HSBP1: variants seen among roughly 807,000 people sequenced by gnomAD.
HSBP1 encodes the protein heat shock factor-binding protein 1.
In HSBP1, 5 loss-of-function variants were observed where a neutral mutation model predicts 9.6. That is an observed-to-expected ratio of 0.52 (90% CI 0.27 to 1.09). HSBP1 has a LOEUF of 1.09. HSBP1 is among the 50% of genes least tolerant of loss of function. The pLI, the probability that HSBP1 is intolerant of heterozygous loss-of-function variation, is 0.11. For missense variants in HSBP1, 121 were observed against 96.3 expected (o/e 1.26, Z -1.07); for synonymous variants, 42 against 33.3 (o/e 1.26, Z -0.90).
At chr16:83,809,462 C>CTT (rs34576085) in intron 3 of HSBP1, 37 bp downstream of exon 3, 2,047 of 405,752 alleles carry the variant, frequency 5.0e-3, no homozygotes, top group East Asian at 9.4e-3. Context: ...CTTTTCTTTT[C>CTT]TTTTTTTTTT....
rs1904528874 is a variant in HSBP1 at position 83,808,893 on chromosome 16, G to T, written c.112+147G>T. 13 of 660,918 alleles carry T rather than the reference G, an allele frequency of 2.0e-5. No individual in the cohort carries two copies. The South Asian group carries it at 2.5e-4, about 13-fold the overall frequency. 40.9% of individuals were successfully genotyped at this position (660,918 alleles called of 1,614,324 possible). On this transcript the variant is annotated intron_variant, in intron 2 of 3. Transcript: ENST00000433866. ...TGGATTGTACTGTGTTTCTGAGAAG[G>T]ACTGCGCCGAGAGCTAGGGGCAAAG...
At position 83,819,558 on chromosome 16, in the gene HSBP1, T is replaced by C. The variant is rs749777939; in HGVS notation, c.*8140T>C. ...TCACTTTAAAGCAATTTGCTTCTTA[T>C]TAAAATGTACTTCAGTAAAAAATCA... is the stretch of plus-strand genomic sequence containing the variant. On this transcript the variant is annotated 3_prime_UTR_variant, in exon 4 of 4. Coordinates refer to ENST00000433866, the MANE Select transcript of HSBP1 (RefSeq NM_001537.4). 5 of 152,210 alleles carry C rather than the reference T, an allele frequency of 3.3e-5. No individual in the cohort carries two copies. The highest frequency in any genetic ancestry group is 5.9e-5 in the Non-Finnish European group (4 of 68,034). The allele number at this position is 152,210 out of a possible 1,614,324, so 9.4% of individuals were successfully genotyped here.
rs1039430331 is a variant in HSBP1, at chr16:83,819,281, T to C, written c.*7863T>C. 2 of 152,212 alleles carry C rather than the reference T, an allele frequency of 1.3e-5. No individual in the cohort carries two copies. Among genetic ancestry groups the C allele is most frequent in the Non-Finnish European group, 2.9e-5 (2 of 68,032 alleles). 9.4% of individuals were successfully genotyped at this position (152,212 alleles called of 1,614,324 possible). On this transcript the variant is annotated 3_prime_UTR_variant, in exon 4 of 4. Transcript: ENST00000433866. ...CATATTTTTAATAAATTCCCTCATT[T>C]ATTATTTTTGTGTCTTATTTCCCAT...
At chr16:83,810,447 C>G (rs1904573743) in intron 3 of HSBP1, among the ~76,000 whole-genome samples, 1 of 142,342 alleles carries the variant, frequency 7.0e-6, no homozygotes, top group Admixed American at 7.6e-5. Flanking sequence ...ATGAATGTTG[C>G]TGAGGGAGGC....
intron 2 of HSBP1, 135 bp from the exon 3 acceptor site, chr16:83,809,170 C>T: frequency 1.6e-6 from 1 of 628,560 alleles, no homozygotes; most frequent in Non-Finnish European, 2.8e-6. Flanking sequence ...TCTTACCCAC[C>T]AGCGTGTAAC....
intron 3 of HSBP1, 32 bp downstream of exon 3, chr16:83,809,457 CTTTTCTTTT>C: frequency 3.1e-6 from 2 of 645,770 alleles, no homozygotes; most frequent in South Asian, 2.4e-5. Flanking sequence ...TTTTTCTTTT[CTTTTCTTTT>C]TTTTTTTTTT....
At chr16:83,808,497 C>T in intron 1 of HSBP1, 183 bp from the exon 2 acceptor site, 1 of 593,488 alleles carries the variant, frequency 1.7e-6, no homozygotes, top group Non-Finnish European at 3.0e-6. Flanking sequence ...CTCCCCAGCC[C>T]AGCAGTCTAA....
Position 83,811,429 on chromosome 16 carries a change from T to G in HSBP1, c.*11T>G, listed in dbSNP as rs902347114. 1 of 152,248 alleles carries G rather than the reference T, an allele frequency of 6.6e-6. No individual in the cohort carries two copies. The highest frequency in any genetic ancestry group is 6.5e-5 in the Admixed American group (1 of 15,288). 9.4% of individuals were successfully genotyped at this position (152,248 alleles called of 1,614,324 possible). On this transcript the variant is annotated 3_prime_UTR_variant, in exon 4 of 4. Transcript: ENST00000433866. The stretch of plus-strand genomic sequence containing the variant: ...TTTTCCTTCTTCAACAGGTTGCTAA[T>G]AATTTATACTGGAATCTGGCATTTT...
Position 83,811,609 on chromosome 16 carries a change from G to A in HSBP1, c.*191G>A, listed in dbSNP as rs1171467928. 6.6e-6 allele frequency: 1 copy of A among 152,166 alleles called. No individual in the cohort carries two copies. The allele number at this position is 152,166 out of a possible 1,614,324, so 9.4% of individuals were successfully genotyped here. ...CTTGAACATGGTATCTTCACATCTTGGACCTTGGTCAGTTGTGCTATTCAT... is the reference window on the plus strand; with the variant it reads ...CTTGAACATGGTATCTTCACATCTTAGACCTTGGTCAGTTGTGCTATTCAT... On this transcript the variant is annotated 3_prime_UTR_variant, in exon 4 of 4. Transcript: ENST00000433866.
chr16:83,811,215 T>G (rs772613460), intron 3 of HSBP1, among the ~76,000 whole-genome samples: 1 of 152,198 alleles, frequency 6.6e-6, no homozygotes, highest in Non-Finnish European at 1.5e-5. Context: ...TGGGGGTCAT[T>G]CAAAGAAAAG....
Position 83,817,209 on chromosome 16 carries a change from G to C in HSBP1, c.*5791G>C, listed in dbSNP as rs1904740048. ...ACCGTCCGATGATGTAATTCACCAA[G>C]TTCCATGGGATTCCGCCACGCCCGT... On this transcript the variant is annotated 3_prime_UTR_variant, in exon 4 of 4. Transcript: ENST00000433866. The C allele has an allele frequency of 6.6e-6, 1 of 152,258 alleles. No individual in the cohort carries two copies. Among genetic ancestry groups the C allele is most frequent in the South Asian group, 2.1e-4 (1 of 4,836 alleles). The allele number at this position is 152,258 out of a possible 1,614,324, so 9.4% of individuals were successfully genotyped here.
chr16:83,808,367 C>T, intron 1 of HSBP1: 1 of 550,936 alleles, frequency 1.8e-6, no homozygotes, highest in South Asian at 2.3e-5. Context: ...TCGCGAACGC[C>T]CTCCGGGTCC....
At chr16:83,808,307 C>T (rs1449499354) in intron 1 of HSBP1, 186 bp downstream of exon 1, 13 of 578,326 alleles carry the variant, frequency 2.2e-5, no homozygotes, top group East Asian at 1.6e-4. Context: ...GGGCCAGTCT[C>T]CCCGCGGGCG....
chr16:83,809,672 T>A (rs1336063468), intron 3 of HSBP1, among the ~76,000 whole-genome samples: 1 of 152,052 alleles, frequency 6.6e-6, no homozygotes, highest in African/African-American at 2.4e-5. Flanking sequence ...TTTCTCCATG[T>A]TGGTCATGCT....
chr16:83,808,050 A>T lies in HSBP1; in HGVS notation c.-27A>T. 1 of 1,537,674 alleles carries T rather than the reference A, an allele frequency of 6.5e-7. No individual in the cohort carries two copies. Among genetic ancestry groups the T allele is most frequent in the East Asian group, 2.5e-5 (1 of 39,304 alleles). ...GGAAGTGTAGGTTACGGTCTGAGAC[A>T]TCACCGCCAAGCTGGGCATCGGGGA... On this transcript the variant is annotated 5_prime_UTR_variant, in exon 1 of 4. Coordinates refer to ENST00000433866, the MANE Select transcript of HSBP1 (RefSeq NM_001537.4).
intron 1 of HSBP1, chr16:83,808,424 AC>A: frequency 7.2e-6 from 4 of 559,000 alleles, no homozygotes; most frequent in South Asian, 2.3e-5. Context: ...CTCCTCACAC[AC>A]CCCCGGGTGC....
rs1028067472 is a variant in HSBP1 at position 83,816,692 on chromosome 16, AC to A, written c.*5277del. 4 of 152,044 alleles carry A rather than the reference AC, an allele frequency of 2.6e-5. No homozygotes were observed. Among genetic ancestry groups the A allele is most frequent in the African/African-American group, 9.7e-5 (4 of 41,388 alleles). 9.4% of individuals were successfully genotyped at this position (152,044 alleles called of 1,614,324 possible). A position where few individuals can be genotyped will look rare whatever the true frequency, so the allele number is the denominator to read the frequency against. On this transcript the variant is annotated 3_prime_UTR_variant, in exon 4 of 4. Transcript: ENST00000433866. ...TAGAAACCAGGGATGCTGCGTCAAC[AC>A]CCTACCATGCACAGGACAACCCTCA...
Position 83,813,255 on chromosome 16 carries a change from G to T in HSBP1, c.*1837G>T, listed in dbSNP as rs143145346. On this transcript the variant is annotated 3_prime_UTR_variant, in exon 4 of 4. Coordinates refer to ENST00000433866, the MANE Select transcript of HSBP1 (RefSeq NM_001537.4). The stretch of plus-strand genomic sequence containing the variant: ...CCTGGAGATGCTGCAGGAAGGAAGG[G>T]GTTATGGTCACTTGGGTTTAGACGA... 6.6e-6 allele frequency: 1 copy of T among 152,412 alleles called. No homozygotes were observed. Among genetic ancestry groups the T allele is most frequent in the African/African-American group, 2.4e-5 (1 of 41,570 alleles). 9.4% of individuals were successfully genotyped at this position (152,412 alleles called of 1,614,324 possible). A position where few individuals can be genotyped will look rare whatever the true frequency, so the allele number is the denominator to read the frequency against.
Position 83,819,449 on chromosome 16 carries a change from C to A in HSBP1, c.*8031C>A, listed in dbSNP as rs1012740343. On this transcript the variant is annotated 3_prime_UTR_variant, in exon 4 of 4. Transcript: ENST00000433866. ...GTCCACGCTCTAGGACCTAGTGTGA[C>A]CTCTTCTGCCTTCTGAACCGAGGAG... The A allele has an allele frequency of 2.6e-5, 4 of 152,116 alleles. No homozygotes were observed. Among genetic ancestry groups the A allele is most frequent in the Non-Finnish European group, 5.9e-5 (4 of 68,038 alleles). The allele number at this position is 152,116 out of a possible 1,614,324, so 9.4% of individuals were successfully genotyped here.
Sources: allele counts gnomAD v4.1 joint callset (sites outside exome capture counted in the v4.1 genomes callset), GRCh38; gene constraint gnomAD v4.1.1; transcripts MANE v1.5; gene names NCBI Gene and HGNC (gene_info 2026-07-23, HGNC 2026-07-21).